The following PAN3 variants were observed in gnomAD, a reference collection of about 807,000 sequenced individuals.
PAN3 encodes poly(A) specific ribonuclease subunit PAN3.
A neutral mutation model predicts 96.2 loss-of-function variants in PAN3; 19 were observed. The ratio of observed to expected loss-of-function variants is 0.20; its 90% CI spans 0.14 to 0.29. PAN3 has a LOEUF of 0.29. Ranked by LOEUF, PAN3 falls within the 10% of genes least tolerant of loss-of-function variation. The probability of loss-of-function intolerance (pLI) is 1.00; values close to 1 mark genes in which losing one functional copy is unlikely to be tolerated. For synonymous variants in PAN3, 433 were observed against 406.6 expected (o/e 1.06, Z -0.78); for missense variants, 882 against 1,108.1 (o/e 0.80, Z 2.90).
At position 28,293,813 on chromosome 13, in the gene PAN3, G is replaced by A. The variant is rs540620867; in HGVS notation, c.*1291G>A. The A allele has an allele frequency of 2.4e-4, 37 of 152,562 alleles. No homozygotes were observed. The highest frequency in any genetic ancestry group is 5.9e-5 in the Non-Finnish European group (4 of 68,006). The allele number at this position is 152,562 out of a possible 1,614,324, so 9.5% of individuals were successfully genotyped here. ...ATACTGAAGACTGCCAAATACATAGGAATTTTCTTTCTTAAAAAACAGTAA... is the reference window on the plus strand; with the variant it reads ...ATACTGAAGACTGCCAAATACATAGAAATTTTCTTTCTTAAAAAACAGTAA... On this transcript the variant is annotated 3_prime_UTR_variant, in exon 19 of 19. Transcript: ENST00000380958.
At chr13:28,223,407 T>TTA (rs1881613198) in intron 6 of PAN3, among the ~76,000 whole-genome samples, 1 of 152,206 alleles carries the variant, frequency 6.6e-6, no homozygotes, top group Non-Finnish European at 1.5e-5. Flanking sequence ...GTTTTAATGA[T>TTA]ACTAAAGATA....
intron 3 of PAN3, among the ~76,000 whole-genome samples, chr13:28,177,132 G>A (rs1875119330): frequency 6.6e-6 from 1 of 152,070 alleles, no homozygotes; most frequent in African/African-American, 2.4e-5. Context: ...TTAAAGCTCA[G>A]AAATGAAGAT....
intron 5 of PAN3, among the ~76,000 whole-genome samples, chr13:28,209,751 T>TCCTGCCTG (rs145678094): frequency 5.9e-5 from 9 of 151,926 alleles, no homozygotes; most frequent in African/African-American, 1.5e-4. Flanking sequence ...TTTTTCTCCT[T>TCCTGCCTG]CCTGCCTGCC....
At chr13:28,215,750 C>A (rs1880669344) in intron 5 of PAN3, 3 of 1,472,392 alleles carry the variant, frequency 2.0e-6, no homozygotes, top group Middle Eastern at 2.4e-4. Flanking sequence ...GTGCTGAGAG[C>A]TTCTCAGACC....
At chr13:28,246,991 C>G (rs1884256950) in intron 6 of PAN3, among the ~76,000 whole-genome samples, 1 of 152,074 alleles carries the variant, frequency 6.6e-6, no homozygotes, top group Non-Finnish European at 1.5e-5. Context: ...TTTGAGGAAC[C>G]TCCATACTGT....
intron 8 of PAN3, 99 bp downstream of exon 8, chr13:28,260,650 A>G: frequency 1.0e-6 from 1 of 977,096 alleles, no homozygotes; most frequent in Non-Finnish European, 1.6e-6. Context: ...TTATTTAATC[A>G]AATATGCTCT....
At chr13:28,163,352 C>T (rs1015767590) in intron 1 of PAN3, among the ~76,000 whole-genome samples, 2 of 151,910 alleles carry the variant, frequency 1.3e-5, no homozygotes, top group African/African-American at 4.8e-5. Context: ...TAAATAGTAT[C>T]TTAAGAGGTA....
In PAN3 at chr13:28,197,210, T is replaced by TG; in HGVS notation, c.718dup (p.Glu240GlyfsTer23). ...CCAAGGAAGTATCGCCTGGGGATGC[T>TG]GGAGGAGAGGCTAGTTCCGATGGGA... On this transcript the variant is annotated frameshift_variant, in exon 5 of 19. Transcript: ENST00000380958. LOFTEE classifies it high-confidence loss of function. The TG allele has an allele frequency of 6.2e-7, 1 of 1,613,310 alleles. No individual in the cohort carries two copies. Among genetic ancestry groups the TG allele is most frequent in the Non-Finnish European group, 8.5e-7 (1 of 1,179,600 alleles).
rs908837318 is a variant in PAN3, at chr13:28,293,701, TCTTAA to T, written c.*1183_*1187del. Reference sequence around the variant, plus strand: ...TCTCAAAAGTTTGGGATTTTCCTCCTCTTAACTTTCTTAATATTTGGACATGCAGT... The same window carrying T: ...TCTCAAAAGTTTGGGATTTTCCTCCTCTTTCTTAATATTTGGACATGCAGT... On this transcript the variant is annotated 3_prime_UTR_variant, in exon 19 of 19. Transcript: ENST00000380958. 9.8e-5 allele frequency: 15 copies of T among 152,756 alleles called. No homozygotes were observed. Among genetic ancestry groups the T allele is most frequent in the South Asian group, 4.1e-4 (2 of 4,826 alleles). 9.5% of individuals were successfully genotyped at this position (152,756 alleles called of 1,614,324 possible). A position where few individuals can be genotyped will look rare whatever the true frequency, so the allele number is the denominator to read the frequency against.
At chr13:28,202,410 G>T (rs556284760) in intron 5 of PAN3, among the ~76,000 whole-genome samples, 12 of 151,960 alleles carry the variant, frequency 7.9e-5, no homozygotes, top group African/African-American at 2.7e-4. Flanking sequence ...AATAATTTTT[G>T]TCAATTTTTT....
chr13:28,182,441 T>C (rs1875914396), intron 4 of PAN3, among the ~76,000 whole-genome samples: 1 of 152,228 alleles, frequency 6.6e-6, no homozygotes, highest in African/African-American at 2.4e-5. Context: ...TGGTTTACTT[T>C]AGTATGTTGT....
At chr13:28,149,807 G>C (rs943458086) in intron 1 of PAN3, among the ~76,000 whole-genome samples, 9 of 152,096 alleles carry the variant, frequency 5.9e-5, no homozygotes, top group Non-Finnish European at 1.0e-4. Context: ...TGTAGAGATA[G>C]GGTCTTGCTG....
intron 18 of PAN3, among the ~76,000 whole-genome samples, chr13:28,291,387 G>A (rs1455591245): frequency 1.3e-5 from 2 of 152,094 alleles, no homozygotes; most frequent in African/African-American, 4.8e-5. Flanking sequence ...AATTCCATTA[G>A]GGTCATGAGT....
At chr13:28,268,714 G>T (rs1218029865) in intron 12 of PAN3, among the ~76,000 whole-genome samples, 1 of 151,986 alleles carries the variant, frequency 6.6e-6, no homozygotes, top group Non-Finnish European at 1.5e-5. Context: ...GAGGAGGGGA[G>T]AAAGATTTGA....
intron 5 of PAN3, among the ~76,000 whole-genome samples, chr13:28,197,857 C>CT (rs1360729712): frequency 1.3e-5 from 2 of 152,132 alleles, no homozygotes; most frequent in Non-Finnish European, 2.9e-5. Context: ...CATGAGCCAC[C>CT]TCTCCTGGCC....
At chr13:28,213,065 A>T (rs1305562001) in intron 5 of PAN3, among the ~76,000 whole-genome samples, 4 of 152,188 alleles carry the variant, frequency 2.6e-5, no homozygotes, top group Non-Finnish European at 5.9e-5. Context: ...GAATAACAAT[A>T]CCATTGGCTT....
intron 14 of PAN3, among the ~76,000 whole-genome samples, chr13:28,275,063 AT>A (rs1886948469): frequency 6.6e-6 from 1 of 152,118 alleles, no homozygotes; most frequent in Non-Finnish European, 1.5e-5. Flanking sequence ...AATTCAACAA[AT>A]GGGGGGAAAC....
intron 1 of PAN3, among the ~76,000 whole-genome samples, chr13:28,171,006 G>A (rs1874236079): frequency 6.6e-6 from 1 of 151,958 alleles, no homozygotes; most frequent in South Asian, 2.1e-4. Context: ...ATGTTGGTCA[G>A]GCTGGTCTCA....
intron 6 of PAN3, among the ~76,000 whole-genome samples, chr13:28,236,062 C>T (rs1046923384): frequency 2.0e-5 from 3 of 152,000 alleles, no homozygotes; most frequent in Admixed American, 2.0e-4. Context: ...TTTATTTCCT[C>T]CACTAAAGTT....
Sources: gnomAD v4.1 joint callset for allele counts (sites outside exome capture counted in the v4.1 genomes callset) on GRCh38, gnomAD v4.1.1 for gene constraint, MANE v1.5 for transcripts, NCBI Gene and HGNC (gene_info 2026-07-23, HGNC 2026-07-21) for gene names.